SMG6: variants seen among roughly 807,000 people sequenced by gnomAD.
SMG6 encodes telomerase-binding protein EST1A.
A neutral mutation model predicts 142.2 loss-of-function variants in SMG6; 66 were observed. The ratio of observed to expected loss-of-function variants is 0.46; its 90% CI spans 0.38 to 0.57. The LOEUF is 0.57. SMG6 is among the 20% of genes least tolerant of loss of function. The pLI, the probability that SMG6 is intolerant of heterozygous loss-of-function variation, is 0.00. For missense variants in SMG6, 1,793 were observed against 1,832.0 expected (o/e 0.98, Z 0.39); for synonymous variants, 779 against 702.4 (o/e 1.11, Z -1.72).
At chr17:2,273,316 G>A (rs1008902081) in intron 8 of SMG6, among the ~76,000 whole-genome samples, 13 of 152,148 alleles carry the variant, frequency 8.5e-5, no homozygotes, top group South Asian at 6.2e-4. Flanking sequence ...AGGAGTTCAC[G>A]ACCTGCCTGG....
chr17:2,297,850 G>C lies in SMG6; in HGVS notation c.2040+13C>G. ...GAAGCCTTTATCCTGAGGACAAAAA[G>C]ATGACAGTTTACCTCATCCAAGAGC... On this transcript the variant is annotated intron_variant, in intron 3 of 18. Transcript: ENST00000263073. 6.2e-7 allele frequency: 1 copy of C among 1,605,496 alleles called. No homozygotes were observed. The highest frequency in any genetic ancestry group is 8.5e-7 in the Non-Finnish European group (1 of 1,179,366).
intron 13 of SMG6, among the ~76,000 whole-genome samples, chr17:2,108,544 T>C (rs1019855058): frequency 1.3e-5 from 2 of 152,068 alleles, no homozygotes; most frequent in African/African-American, 4.8e-5. Flanking sequence ...GGCAGAAGAA[T>C]TGCTTGAATC....
At chr17:2,243,258 T>C (rs2073853942) in intron 9 of SMG6, among the ~76,000 whole-genome samples, 1 of 152,218 alleles carries the variant, frequency 6.6e-6, no homozygotes, top group Non-Finnish European at 1.5e-5. Flanking sequence ...AATGAATATG[T>C]AATAAGCACA....
intron 8 of SMG6, among the ~76,000 whole-genome samples, chr17:2,262,267 T>C (rs2074332885): frequency 1.3e-5 from 2 of 152,202 alleles, no homozygotes; most frequent in African/African-American, 4.8e-5. Context: ...CCCAGAATGA[T>C]GGAAGGCATG....
At chr17:2,242,685 T>C (rs1378959713) in intron 9 of SMG6, among the ~76,000 whole-genome samples, 1 of 58,762 alleles carries the variant, frequency 1.7e-5, no homozygotes, top group African/African-American at 1.1e-4. Flanking sequence ...AGGCTCCATC[T>C]CTTTAAAAAA....
intron 10 of SMG6, among the ~76,000 whole-genome samples, chr17:2,198,814 C>A (rs1238331973): frequency 6.6e-6 from 1 of 151,976 alleles, no homozygotes; most frequent in East Asian, 1.9e-4. Context: ...TAGCTGATTA[C>A]CCTGTCCAGA....
intron 6 of SMG6, among the ~76,000 whole-genome samples, chr17:2,287,615 T>A (rs1192862072): frequency 6.6e-6 from 1 of 152,182 alleles, no homozygotes; most frequent in African/African-American, 2.4e-5. Flanking sequence ...CACTGTGGCA[T>A]TATTCACAAT....
chr17:2,138,691 A>T (rs1374479819), intron 13 of SMG6, among the ~76,000 whole-genome samples: 1 of 152,218 alleles, frequency 6.6e-6, no homozygotes, highest in African/African-American at 2.4e-5. Context: ...CAAGGTCAGC[A>T]GGACTTTTGG....
intron 8 of SMG6, among the ~76,000 whole-genome samples, chr17:2,267,529 C>G (rs552552079): frequency 6.6e-6 from 1 of 151,902 alleles, no homozygotes; most frequent in East Asian, 1.9e-4. Context: ...TCCATGAGGC[C>G]AAAAAATTAA....
At chr17:2,067,329 T>C (rs1469974973) in intron 16 of SMG6, among the ~76,000 whole-genome samples, 2 of 152,180 alleles carry the variant, frequency 1.3e-5, no homozygotes, top group Non-Finnish European at 2.9e-5. Flanking sequence ...CGATCAGTCC[T>C]GGTGACAAAA....
chr17:2,140,776 T>G (rs533867302), intron 13 of SMG6, among the ~76,000 whole-genome samples: 1 of 152,232 alleles, frequency 6.6e-6, no homozygotes, highest in South Asian at 2.1e-4. Flanking sequence ...AAAAAGCCAT[T>G]GAAGCTGTCT....
intron 8 of SMG6, among the ~76,000 whole-genome samples, chr17:2,278,277 A>C (rs963371591): frequency 6.6e-6 from 1 of 150,394 alleles, no homozygotes; most frequent in Non-Finnish European, 1.5e-5. Context: ...ATCTTGGCTC[A>C]CTGCAACCTC....
rs371488199 is a variant in SMG6, at chr17:2,135,218, A to G, written c.3357+37440T>C. Among the ~76,000 whole-genome samples the G allele has an allele frequency of 2.3e-3, 346 of 152,364 alleles. 4 individuals carry two copies. The highest frequency in any genetic ancestry group is 0.021 in the South Asian group (100 of 4,828). On this transcript the variant is annotated intron_variant, in intron 13 of 18. Coordinates refer to ENST00000263073, the MANE Select transcript of SMG6 (RefSeq NM_017575.5). ...TTAAATTGACAAATAGTAATTGTATATATTTATGAAGCACAATGTGATGTT... is the reference window on the plus strand; with the variant it reads ...TTAAATTGACAAATAGTAATTGTATGTATTTATGAAGCACAATGTGATGTT...
chr17:2,277,165 ATTTTTTATTT>A lies in SMG6; in HGVS notation c.2661+5472_2661+5481del, dbSNP rs1245327579. On this transcript the variant is annotated intron_variant, in intron 8 of 18. Coordinates refer to ENST00000263073, the MANE Select transcript of SMG6 (RefSeq NM_017575.5). ...TATTTATTTATTTATTTATTTATTT[ATTTTTTATTT>A]TTTTTTTTTTTGAGACAGAGTCTCG... Among the ~76,000 whole-genome samples the A allele has an allele frequency of 4.7e-5, 3 of 63,432 alleles. No homozygotes were observed. In the Admixed American group the frequency reaches 5.5e-4, roughly 12 times the overall value. The allele number at this position is 63,432 out of a possible 152,430, so 41.6% of individuals were successfully genotyped here.
intron 3 of SMG6, 131 bp downstream of exon 3, chr17:2,297,732 C>T: frequency 2.1e-6 from 2 of 967,264 alleles, no homozygotes; most frequent in Non-Finnish European, 3.1e-6. Flanking sequence ...AGGGAAGGCT[C>T]AGAACCCAAG....
At chr17:2,229,818 A>G (rs541910675) in intron 10 of SMG6, among the ~76,000 whole-genome samples, 1 of 152,300 alleles carries the variant, frequency 6.6e-6, no homozygotes, top group Non-Finnish European at 1.5e-5. Flanking sequence ...TACAGTATGA[A>G]TCTGGCCTGA....
chr17:2,218,607 A>T (rs189569999), intron 10 of SMG6, among the ~76,000 whole-genome samples: 7 of 152,294 alleles, frequency 4.6e-5, no homozygotes, highest in Admixed American at 4.6e-4. Flanking sequence ...GCAAACCAAC[A>T]AGACTACTCA....
intron 13 of SMG6, among the ~76,000 whole-genome samples, chr17:2,138,164 A>C (rs954734573): frequency 7.3e-5 from 11 of 151,716 alleles, no homozygotes; most frequent in Non-Finnish European, 1.5e-4. Context: ...AAAAAAAAAC[A>C]CCCTGGAATT....
chr17:2,296,519 C>T (rs2075146207), intron 4 of SMG6, among the ~76,000 whole-genome samples: 1 of 152,296 alleles, frequency 6.6e-6, no homozygotes, highest in East Asian at 1.9e-4. Flanking sequence ...GCAAGCATCA[C>T]CACCTGAACC....
Sources: gnomAD v4.1 joint callset for allele counts (sites outside exome capture counted in the v4.1 genomes callset) on GRCh38, gnomAD v4.1.1 for gene constraint, MANE v1.5 for transcripts, NCBI Gene and HGNC (gene_info 2026-07-23, HGNC 2026-07-21) for gene names.